Variants in LMBR1 observed in about 807,000 individuals in gnomAD.
LMBR1 encodes the protein limb region 1 protein homolog.
Under a neutral mutation model 73.9 loss-of-function variants are expected in LMBR1, and 52 were observed. That is an observed-to-expected ratio of 0.70 (90% CI 0.56 to 0.89). The LOEUF (loss-of-function observed/expected upper bound fraction) is 0.89. Among genes scored for constraint, LMBR1 ranks in the 40% least tolerant of loss-of-function variants. The pLI is 0.00. For missense variants in LMBR1, 539 were observed against 579.8 expected (o/e 0.93, Z 0.72); for synonymous variants, 215 against 209.4 (o/e 1.03, Z -0.23).
At position 156,688,057 on chromosome 7, in the gene LMBR1, CT is replaced by C; in HGVS notation, c.1359del (p.Val454PhefsTer9). 1 of 1,610,688 alleles carries C rather than the reference CT, an allele frequency of 6.2e-7. No homozygotes were observed. Among genetic ancestry groups the C allele is most frequent in the Non-Finnish European group, 8.5e-7 (1 of 1,178,992 alleles). ...TLCLVRKFTS[A>X]VREELFKALG... ...AGGGCCTTGAAAAGTTCTTCTCGAA[CT>C]GCAGAGGTGAATTTTCGGACCAGAC... is the stretch of plus-strand genomic sequence containing the variant. On this transcript the variant is annotated frameshift_variant, in exon 16 of 17. Coordinates refer to ENST00000353442, the MANE Select transcript of LMBR1 (RefSeq NM_022458.4). LOFTEE classifies it high-confidence loss of function.
Position 156,685,914 on chromosome 7 carries a change from T to C in LMBR1, c.1388-1751A>G, listed in dbSNP as rs1332934201. On this transcript the variant is annotated intron_variant, in intron 16 of 16. Coordinates refer to ENST00000353442, the MANE Select transcript of LMBR1 (RefSeq NM_022458.4). This position sits in a 1 kb window ranked among gnomAD's most constrained non-coding sequence, Gnocchi z 4.1. ...TAAACTAATATAGCACTCCAAATTT[T>C]AATCTTCCTGTCACCTGCATATCTT... Among the ~76,000 whole-genome samples the C allele has an allele frequency of 2.0e-5, 3 of 152,226 alleles. No homozygotes were observed. Among genetic ancestry groups the C allele is most frequent in the Non-Finnish European group, 2.9e-5 (2 of 68,044 alleles).
chr7:156,839,293 C>G (rs937061788), intron 1 of LMBR1, among the ~76,000 whole-genome samples: 1 of 151,990 alleles, frequency 6.6e-6, no homozygotes, highest in Non-Finnish European at 1.5e-5. Flanking sequence ...AGGTGATCCA[C>G]CTGTGTCAGC....
At chr7:156,856,890 GAA>G (rs1797051738) in intron 1 of LMBR1, among the ~76,000 whole-genome samples, 2 of 152,024 alleles carry the variant, frequency 1.3e-5, no homozygotes, top group South Asian at 4.2e-4. Context: ...GGGGAACTAG[GAA>G]TATTCTCTCA....
chr7:156,827,567 A>C (rs1835914285), intron 3 of LMBR1, among the ~76,000 whole-genome samples: 2 of 152,144 alleles, frequency 1.3e-5, no homozygotes, highest in Non-Finnish European at 2.9e-5. Flanking sequence ...TTCTACAAGA[A>C]ACACCTAACT....
rs1805379309 is a variant in LMBR1, at chr7:156,683,346, T to C, written c.*732A>G. The C allele has an allele frequency of 6.6e-6, 1 of 152,598 alleles. No homozygotes were observed. The highest frequency in any genetic ancestry group is 1.5e-5 in the Non-Finnish European group (1 of 68,048). 9.5% of individuals were successfully genotyped at this position (152,598 alleles called of 1,614,324 possible). On this transcript the variant is annotated 3_prime_UTR_variant, in exon 17 of 17. Transcript: ENST00000353442. ...ATCAGAGGGAATACTGAATTATATA[T>C]ATACATAAACTGTCATTAAACTGTG... is the stretch of plus-strand genomic sequence containing the variant.
intron 11 of LMBR1, among the ~76,000 whole-genome samples, 195 bp downstream of exon 11, chr7:156,728,449 A>AT (rs574750284): frequency 1.3e-5 from 2 of 152,280 alleles, no homozygotes; most frequent in East Asian, 3.9e-4. Flanking sequence ...AATCTTCAGA[A>AT]TTTTTTTTAA....
At chr7:156,705,981 G>C (rs1222678070) in intron 15 of LMBR1, among the ~76,000 whole-genome samples, 1 of 152,060 alleles carries the variant, frequency 6.6e-6, no homozygotes, top group African/African-American at 2.4e-5. Flanking sequence ...AAAAGATACA[G>C]ATTGGTGGAA....
intron 4 of LMBR1, among the ~76,000 whole-genome samples, chr7:156,816,965 G>C (rs969140021): frequency 3.0e-4 from 45 of 152,156 alleles, no homozygotes; most frequent in African/African-American, 1.0e-3. Flanking sequence ...CTTTAGAAAG[G>C]TAAAATTACA....
At chr7:156,783,370 G>A (rs1050068206) in intron 5 of LMBR1, among the ~76,000 whole-genome samples, 4 of 151,802 alleles carry the variant, frequency 2.6e-5, no homozygotes, top group South Asian at 4.2e-4. Flanking sequence ...GTAGAGACAG[G>A]GCCTCGCTAT....
At chr7:156,864,332 TTTAAG>T (rs563850958) in intron 1 of LMBR1, among the ~76,000 whole-genome samples, 135 of 152,290 alleles carry the variant, frequency 8.9e-4, no homozygotes, top group Admixed American at 1.4e-3. Context: ...ATCACTGCCC[TTTAAG>T]TTAACAGCAG....
intron 4 of LMBR1, among the ~76,000 whole-genome samples, chr7:156,797,517 G>A (rs76478211): frequency 0.027 from 4,111 of 152,262 alleles, 190 homozygotes; most frequent in African/African-American, 0.094. Flanking sequence ...GTGGAGATGT[G>A]GTGATGAAGA....
At chr7:156,865,858 G>T (rs917053659) in intron 1 of LMBR1, among the ~76,000 whole-genome samples, 1 of 152,186 alleles carries the variant, frequency 6.6e-6, no homozygotes, top group East Asian at 1.9e-4. Context: ...TTTAACAAAT[G>T]GTACTGGAAC....
At chr7:156,729,296 A>G in intron 10 of LMBR1, among the ~76,000 whole-genome samples, 1 of 152,118 alleles carries the variant, frequency 6.6e-6, no homozygotes, top group East Asian at 1.9e-4. Context: ...TAGGCCTTCT[A>G]TAGCCACAGG....
chr7:156,742,755 C>G (rs898117926), intron 9 of LMBR1, among the ~76,000 whole-genome samples: 2 of 152,118 alleles, frequency 1.3e-5, no homozygotes, highest in Non-Finnish European at 2.9e-5. Context: ...CTTCCAAACT[C>G]TTGTTAAGGG....
intron 1 of LMBR1, among the ~76,000 whole-genome samples, chr7:156,853,559 G>T (rs1484566898): frequency 6.6e-6 from 1 of 152,124 alleles, no homozygotes; most frequent in Non-Finnish European, 1.5e-5. Flanking sequence ...TAACTTCTCT[G>T]GATTAAATCT....
At chr7:156,806,769 G>C (rs1297340405) in intron 4 of LMBR1, among the ~76,000 whole-genome samples, 1 of 151,894 alleles carries the variant, frequency 6.6e-6, no homozygotes, top group Non-Finnish European at 1.5e-5. Context: ...ACACCACCAT[G>C]CCCAGTTAAG....
At position 156,892,999 on chromosome 7, in the gene LMBR1, T is replaced by G; in HGVS notation, c.-6A>C. The G allele has an allele frequency of 6.6e-7, 1 of 1,522,422 alleles. No individual in the cohort carries two copies. Among genetic ancestry groups the G allele is most frequent in the Non-Finnish European group, 8.8e-7 (1 of 1,142,130 alleles). The allele number at this position is 1,522,422 out of a possible 1,614,324, so 94.3% of individuals were successfully genotyped here. A position where few individuals can be genotyped will look rare whatever the true frequency, so the allele number is the denominator to read the frequency against. ...ACCTCGTCCTGCCCTTCCATCCTCC[T>G]TCATGCCCGCCGCCGCGCCGCCCGC... On this transcript the variant is annotated 5_prime_UTR_variant, in exon 1 of 17. Coordinates refer to ENST00000353442, the MANE Select transcript of LMBR1 (RefSeq NM_022458.4).
In LMBR1 at chr7:156,711,301, A is replaced by G. The variant is rs570206128; in HGVS notation, c.1225+12811T>C. ...ACTCCAGCCTGGGCGACAGAGCGAG[A>G]CTCTGTCTCAAACAAACAAACTACA... On this transcript the variant is annotated intron_variant, in intron 15 of 16. Transcript: ENST00000353442. 9.2e-5 allele frequency among the ~76,000 whole-genome samples: 14 copies of G among 152,276 alleles called. No individual in the cohort carries two copies. In the South Asian group the frequency reaches 2.9e-3, roughly 32 times the overall value.
At chr7:156,688,691 G>A (rs1189959119) in intron 15 of LMBR1, among the ~76,000 whole-genome samples, 3 of 152,086 alleles carry the variant, frequency 2.0e-5, no homozygotes, top group Non-Finnish European at 4.4e-5. Context: ...TCCTCGGACA[G>A]GAAACCTCTG....
Sources: allele counts gnomAD v4.1 joint callset (sites outside exome capture counted in the v4.1 genomes callset), GRCh38; gene constraint gnomAD v4.1.1; non-coding constraint Gnocchi (gnomAD v3.1); transcripts MANE v1.5; gene names NCBI Gene and HGNC (gene_info 2026-07-23, HGNC 2026-07-21).